MTA3: variants seen among roughly 807,000 people sequenced by gnomAD.
MTA3 encodes metastasis-associated protein MTA3.
MTA3 carries 34 observed loss-of-function variants against 83.5 expected under a neutral mutation model. The ratio of observed to expected loss-of-function variants is 0.41; its 90% CI spans 0.31 to 0.54. The LOEUF (loss-of-function observed/expected upper bound fraction) is 0.54, where lower values mean the gene tolerates loss of function less well. Among genes scored for constraint, MTA3 ranks in the 20% least tolerant of loss-of-function variants. The probability of loss-of-function intolerance (pLI) is 0.33; values close to 1 mark genes in which losing one functional copy is unlikely to be tolerated. For synonymous variants in MTA3, 303 were observed against 252.7 expected (o/e 1.20, Z -1.89); for missense variants, 761 against 726.4 (o/e 1.05, Z -0.55).
chr2:42,750,199 C>T (rs911231128), intron 16 of MTA3, among the ~76,000 whole-genome samples: 19 of 152,032 alleles, frequency 1.2e-4, no homozygotes, highest in Admixed American at 1.1e-3. Flanking sequence ...CTCTGTTGGC[C>T]AGGCTGGTCT....
chr2:42,649,423 A>G (rs548668911), intron 6 of MTA3, among the ~76,000 whole-genome samples: 1 of 152,202 alleles, frequency 6.6e-6, no homozygotes, highest in South Asian at 2.1e-4. Context: ...CAAAAAAAAA[A>G]AAGCTGTTAT....
At chr2:42,585,084 A>T (rs1680111715) in intron 3 of MTA3, among the ~76,000 whole-genome samples, 1 of 151,042 alleles carries the variant, frequency 6.6e-6, no homozygotes, top group African/African-American at 2.4e-5. Flanking sequence ...TAATAATCAA[A>T]TAATAATAAT....
chr2:42,540,063 G>A (rs929646175), intron 2 of MTA3, among the ~76,000 whole-genome samples: 1 of 152,018 alleles, frequency 6.6e-6, no homozygotes, highest in Non-Finnish European at 1.5e-5. Context: ...ACGGGGGAGG[G>A]ATCTGATGGA....
chr2:42,728,896 C>G (rs1271009475), intron 16 of MTA3, among the ~76,000 whole-genome samples: 1 of 152,126 alleles, frequency 6.6e-6, no homozygotes, highest in Admixed American at 6.6e-5. Flanking sequence ...TTCTCCCATT[C>G]TGTGCATTGT....
chr2:42,706,632 C>T (rs1163299823), intron 12 of MTA3, among the ~76,000 whole-genome samples: 1 of 152,164 alleles, frequency 6.6e-6, no homozygotes, highest in Non-Finnish European at 1.5e-5. Context: ...ATTTTTTATG[C>T]ACCCAATTAA....
chr2:42,550,036 G>C (rs887568758), intron 2 of MTA3, among the ~76,000 whole-genome samples: 2 of 151,936 alleles, frequency 1.3e-5, no homozygotes, highest in Non-Finnish European at 2.9e-5. Context: ...AAGAATAATG[G>C]TGCTGGCAAT....
intron 16 of MTA3, among the ~76,000 whole-genome samples, chr2:42,742,684 T>C (rs1223138790): frequency 6.6e-6 from 1 of 152,238 alleles, no homozygotes; most frequent in Non-Finnish European, 1.5e-5. Flanking sequence ...TGACTCATAG[T>C]AGGTATTTAT....
At chr2:42,605,125 G>A (rs1393756582) in intron 3 of MTA3, among the ~76,000 whole-genome samples, 10 of 149,598 alleles carry the variant, frequency 6.7e-5, no homozygotes, top group Non-Finnish European at 1.0e-4. Context: ...GGTGGTGGCC[G>A]GGCAGAGGGG....
At chr2:42,515,147 C>G (rs1259263086) in intron 2 of MTA3, among the ~76,000 whole-genome samples, 1 of 152,014 alleles carries the variant, frequency 6.6e-6, no homozygotes, top group Admixed American at 6.6e-5. Flanking sequence ...CCAGCTCTGC[C>G]TCCCGGGTTC....
At chr2:42,613,424 G>C (rs1684462976) in intron 4 of MTA3, among the ~76,000 whole-genome samples, 1 of 152,210 alleles carries the variant, frequency 6.6e-6, no homozygotes, top group Admixed American at 6.5e-5. Context: ...AATGGGGTTA[G>C]GGGCAGTCCC....
In MTA3 at chr2:42,755,007, G is replaced by A. The variant is rs1254597738; in HGVS notation, c.*1608G>A. The A allele has an allele frequency of 3.0e-6, 3 of 985,534 alleles. No individual in the cohort carries two copies. The highest frequency in any genetic ancestry group is 1.1e-4 in the East Asian group (1 of 8,822). 61.0% of individuals were successfully genotyped at this position (985,534 alleles called of 1,614,324 possible). On this transcript the variant is annotated 3_prime_UTR_variant, in exon 17 of 17. Coordinates refer to ENST00000405094, the MANE Select transcript of MTA3 (RefSeq NM_001330442.2). ...CACTCTTGGAGCTGTGCTGGGTCTT[G>A]GCTTGGGGCGCTGAGGGTGGGGCCT...
chr2:42,562,009 G>T (rs1374702674), intron 2 of MTA3, among the ~76,000 whole-genome samples: 1 of 152,156 alleles, frequency 6.6e-6, no homozygotes, highest in Non-Finnish European at 1.5e-5. Flanking sequence ...GTTAGTCCTG[G>T]AGTCTCTGGG....
At chr2:42,740,292 C>G (rs979031200) in intron 16 of MTA3, among the ~76,000 whole-genome samples, 1 of 152,226 alleles carries the variant, frequency 6.6e-6, no homozygotes, top group African/African-American at 2.4e-5. Flanking sequence ...AGGTGGATTG[C>G]TTGAGTCCAG....
chr2:42,746,712 A>G (rs531211660), intron 16 of MTA3, among the ~76,000 whole-genome samples: 6 of 152,354 alleles, frequency 3.9e-5, no homozygotes, highest in Admixed American at 6.5e-5. Flanking sequence ...TTACCTGTCT[A>G]TTATGAAGGA....
intron 13 of MTA3, among the ~76,000 whole-genome samples, chr2:42,708,402 G>T (rs748461318): frequency 6.6e-6 from 1 of 152,154 alleles, no homozygotes; most frequent in Admixed American, 6.5e-5. Flanking sequence ...TGCAAATTAA[G>T]CATTTTTTCT....
At chr2:42,667,444 T>G (rs1395242462) in intron 8 of MTA3, among the ~76,000 whole-genome samples, 1 of 152,096 alleles carries the variant, frequency 6.6e-6, no homozygotes, top group Non-Finnish European at 1.5e-5. Context: ...CCTTCTACTT[T>G]TGTCTCTATG....
chr2:42,672,517 C>T lies in MTA3; in HGVS notation c.703-9884C>T, dbSNP rs180800607. On this transcript the variant is annotated intron_variant, in intron 8 of 16. Coordinates refer to ENST00000405094, the MANE Select transcript of MTA3 (RefSeq NM_001330442.2). ...AAAATTAGCTGAGTGTAGTGGTGGG[C>T]GCCTGTAATCCCAGCTACTTGGGAG... 7.4e-3 allele frequency among the ~76,000 whole-genome samples: 1,111 copies of T among 150,284 alleles called. 14 individuals carry two copies. Among genetic ancestry groups the T allele is most frequent in the African/African-American group, 0.026 (1,065 of 40,856 alleles).
chr2:42,496,358 A>G (rs1407283445), intron 2 of MTA3, among the ~76,000 whole-genome samples: 1 of 152,198 alleles, frequency 6.6e-6, no homozygotes, highest in Non-Finnish European at 1.5e-5. Flanking sequence ...GTTTTCTTAA[A>G]CAAAGAAAAC....
At chr2:42,638,972 A>G (rs568714577) in intron 4 of MTA3, among the ~76,000 whole-genome samples, 3 of 150,196 alleles carry the variant, frequency 2.0e-5, no homozygotes, top group South Asian at 2.1e-4. Context: ...CACTTTTAGT[A>G]TTTTATTTTG....
Sources: gnomAD v4.1 joint callset for allele counts (sites outside exome capture counted in the v4.1 genomes callset) on GRCh38, gnomAD v4.1.1 for gene constraint, MANE v1.5 for transcripts, NCBI Gene and HGNC (gene_info 2026-07-23, HGNC 2026-07-21) for gene names.